DACH2: variants seen among roughly 807,000 people sequenced by gnomAD.
The protein encoded by DACH2 is dachshund family transcription factor 2.
DACH2 carries 17 observed loss-of-function variants against 35.8 expected under a neutral mutation model. The observed-to-expected ratio is 0.48, with a 90% CI of 0.33 to 0.71. DACH2 has a LOEUF of 0.71. Ranked by LOEUF, DACH2 falls within the 30% of genes least tolerant of loss-of-function variation. DACH2 has a pLI of 0.02. For missense variants in DACH2, 469 were observed against 472.7 expected (o/e 0.99, Z 0.07); for synonymous variants, 195 against 177.3 (o/e 1.10, Z -0.79).
chrX:86,275,888 C>A (rs934434967), intron 1 of DACH2, among the ~76,000 whole-genome samples: 1 of 112,325 alleles, frequency 8.9e-6, no homozygotes, highest in African/African-American at 3.2e-5. Context: ...CAGGATCTCT[C>A]ATTCGTTTTT....
chrX:86,542,832 T>C (rs2038904495), intron 3 of DACH2, among the ~76,000 whole-genome samples: 1 of 111,697 alleles, frequency 9.0e-6, no homozygotes, highest in East Asian at 2.8e-4. Flanking sequence ...CATAATGCAA[T>C]GCAAGACTGT....
intron 2 of DACH2, among the ~76,000 whole-genome samples, chrX:86,437,808 C>A (rs1391396910): frequency 2.7e-5 from 3 of 109,254 alleles, no homozygotes; most frequent in Non-Finnish European, 5.7e-5. Flanking sequence ...TGTGGGATTA[C>A]TGGTAGTTTT....
At chrX:86,224,290 A>T (rs963322316) in intron 1 of DACH2, among the ~76,000 whole-genome samples, 2 of 111,666 alleles carry the variant, frequency 1.8e-5, no homozygotes, top group Non-Finnish European at 3.8e-5. Context: ...TAAAAAACAA[A>T]TATATTCAGG....
At chrX:86,324,763 G>A (rs10449032) in intron 1 of DACH2, among the ~76,000 whole-genome samples, 3 of 107,907 alleles carry the variant, frequency 2.8e-5, no homozygotes, top group Non-Finnish European at 5.7e-5. Flanking sequence ...ATTTTTAGTA[G>A]AAATGGGGTT....
At chrX:86,807,055 A>T (rs2042351667) in intron 7 of DACH2, among the ~76,000 whole-genome samples, 1 of 111,559 alleles carries the variant, frequency 9.0e-6, no homozygotes, top group Non-Finnish European at 1.9e-5. Flanking sequence ...TCTGGGCAAC[A>T]AAATTGCTCC....
At chrX:86,440,253 G>A (rs2037138373) in intron 2 of DACH2, among the ~76,000 whole-genome samples, 2 of 111,287 alleles carry the variant, frequency 1.8e-5, no homozygotes, top group South Asian at 7.5e-4. Context: ...ATTCGCCTAT[G>A]TATTCTTGAA....
intron 2 of DACH2, among the ~76,000 whole-genome samples, chrX:86,455,282 G>T (rs983226815): frequency 1.8e-5 from 2 of 111,565 alleles, no homozygotes; most frequent in African/African-American, 6.5e-5. Flanking sequence ...GCTTAAGGAA[G>T]CAGTCTGGCA....
At chrX:86,519,382 T>C (rs906153960) in intron 3 of DACH2, among the ~76,000 whole-genome samples, 1 of 112,088 alleles carries the variant, frequency 8.9e-6, no homozygotes, top group Non-Finnish European at 1.9e-5. Flanking sequence ...TCTTCCAGGC[T>C]TCAGTATCAA....
At chrX:86,551,896 G>T (rs946620720) in intron 3 of DACH2, among the ~76,000 whole-genome samples, 3 of 111,398 alleles carry the variant, frequency 2.7e-5, no homozygotes, top group African/African-American at 9.8e-5. Context: ...AGTGTTTCTT[G>T]GTTCTCTGTC....
Position 86,202,543 on chromosome X carries a change from TG to T in DACH2, c.488+53437del, listed in dbSNP as rs750071749. 2.7e-4 allele frequency among the ~76,000 whole-genome samples: 30 copies of T among 111,346 alleles called. 1 individual carries two copies. Among genetic ancestry groups the T allele is most frequent in the Admixed American group, 9.6e-5 (1 of 10,399 alleles). ...CATTTTCTGGAAAGACTGAGTAATT[TG>T]GTATTATTGAGGTGAAGGGTAAATG... On this transcript the variant is annotated intron_variant, in intron 1 of 11. Transcript: ENST00000373125.
chrX:86,684,821 T>C (rs1383405722), intron 4 of DACH2, among the ~76,000 whole-genome samples: 2 of 111,358 alleles, frequency 1.8e-5, no homozygotes, highest in African/African-American at 6.5e-5. Context: ...TCATACACTC[T>C]ATCAGGTAAA....
rs181311495 is a variant in DACH2 at position 86,316,945 on chromosome X, C to T, written c.489-59879C>T. On this transcript the variant is annotated intron_variant, in intron 1 of 11. Transcript: ENST00000373125. ...CCACCCTGGCCAAGATGGTGAAACC[C>T]CATCTCTACTAAAAATACAAAAATT... Among the ~76,000 whole-genome samples the T allele has an allele frequency of 9.7e-3, 1,062 of 109,374 alleles. 3 individuals are homozygous for T. The highest frequency in any genetic ancestry group is 0.015 in the Non-Finnish European group (789 of 52,569). 95.0% of individuals were successfully genotyped at this position (109,374 alleles called of 115,157 possible).
chrX:86,308,246 T>A (rs2034728068), intron 1 of DACH2, among the ~76,000 whole-genome samples: 1 of 112,643 alleles, frequency 8.9e-6, no homozygotes, highest in Admixed American at 9.4e-5. Context: ...GCATATTAGG[T>A]TCCCTAAAGG....
chrX:86,646,623 C>T (rs1406789828), intron 3 of DACH2, among the ~76,000 whole-genome samples: 3 of 109,500 alleles, frequency 2.7e-5, no homozygotes, highest in African/African-American at 9.9e-5. Flanking sequence ...TTCTACACAG[C>T]AAAGAAAGCA....
At chrX:86,631,174 C>T (rs944736365) in intron 3 of DACH2, among the ~76,000 whole-genome samples, 3 of 111,660 alleles carry the variant, frequency 2.7e-5, no homozygotes, top group Admixed American at 1.9e-4. Context: ...TAAGAACCAC[C>T]GGAATTTTTG....
In DACH2 at chrX:86,635,747, G is replaced by T. The variant is rs760156870; in HGVS notation, c.641-15289G>T. ...CCTATACACCAACAACAGTCAAATT[G>T]AGAATCAAATCATGAACACAGTCTC... On this transcript the variant is annotated intron_variant, in intron 3 of 11. Transcript: ENST00000373125. Among the ~76,000 whole-genome samples the T allele has an allele frequency of 3.2e-4, 36 of 111,227 alleles. No individual in the cohort carries two copies. The South Asian group carries it at 4.2e-3, about 13-fold the overall frequency.
At chrX:86,650,963 C>T in intron 3 of DACH2, 73 bp from the exon 4 acceptor site, 25 of 962,738 alleles carry the variant, frequency 2.6e-5, no homozygotes, top group Non-Finnish European at 3.5e-5. Flanking sequence ...TGCACTTGTA[C>T]CCCCAAATCT....
chrX:86,633,570 G>T (rs1453844393), intron 3 of DACH2, among the ~76,000 whole-genome samples: 1 of 111,645 alleles, frequency 9.0e-6, no homozygotes, highest in Non-Finnish European at 1.9e-5. Context: ...CTCTTTCAAA[G>T]TATCTAAAAT....
At chrX:86,267,867 T>A (rs1201153829) in intron 1 of DACH2, among the ~76,000 whole-genome samples, 1 of 112,204 alleles carries the variant, frequency 8.9e-6, no homozygotes, top group Non-Finnish European at 1.9e-5. Flanking sequence ...AATCTCACTA[T>A]ACATTGGCTG....
Sources: allele counts gnomAD v4.1 joint callset (sites outside exome capture counted in the v4.1 genomes callset), GRCh38; gene constraint gnomAD v4.1.1; transcripts MANE v1.5; gene names NCBI Gene and HGNC (gene_info 2026-07-23, HGNC 2026-07-21).